The following DLG2 variants were observed in gnomAD, a reference collection of about 807,000 sequenced individuals.
The protein encoded by DLG2 is discs large MAGUK scaffold protein 2.
In DLG2, 45 loss-of-function variants were observed where a neutral mutation model predicts 132.5. That is an observed-to-expected ratio of 0.34 (90% CI 0.27 to 0.44). The LOEUF is 0.44. Ranked by LOEUF, DLG2 falls within the 20% of genes least tolerant of loss-of-function variation. The pLI, the probability that DLG2 is intolerant of heterozygous loss-of-function variation, is 1.00. For missense variants in DLG2, 1,045 were observed against 1,196.9 expected, an observed-to-expected ratio of 0.87 and a Z score of 1.87; for synonymous variants, 424 against 419.6, an observed-to-expected ratio of 1.01 and a Z score of -0.13.
chr11:83,969,017 A>C (rs889108537), intron 12 of DLG2, among the ~76,000 whole-genome samples: 1 of 152,210 alleles, frequency 6.6e-6, no homozygotes, highest in African/African-American at 2.4e-5. Flanking sequence ...CTTGCATGCC[A>C]TATATTTTAG....
At chr11:84,744,898 TAAAAAAA>T (rs758776805) in intron 6 of DLG2, among the ~76,000 whole-genome samples, 2 of 71,820 alleles carry the variant, frequency 2.8e-5, no homozygotes, top group East Asian at 4.6e-4. Context: ...AGTAAAGGTC[TAAAAAAA>T]AAAAAAAAAA....
chr11:85,393,300 C>T (rs1394882264), intron 3 of DLG2, among the ~76,000 whole-genome samples: 1 of 152,102 alleles, frequency 6.6e-6, no homozygotes, highest in Non-Finnish European at 1.5e-5. Context: ...CAAGAATGGT[C>T]ATATTCAAAA....
chr11:83,843,709 G>A (rs2058075136), intron 16 of DLG2, among the ~76,000 whole-genome samples: 1 of 152,166 alleles, frequency 6.6e-6, no homozygotes, highest in African/African-American at 2.4e-5. Flanking sequence ...TACAGGTCGG[G>A]TTCCTTGCTT....
intron 18 of DLG2, among the ~76,000 whole-genome samples, chr11:83,722,705 A>T (rs368845652): frequency 2.0e-4 from 30 of 152,168 alleles, no homozygotes; most frequent in Admixed American, 1.9e-3. Context: ...AAATGCTAAC[A>T]AGTGCCACCT....
intron 6 of DLG2, among the ~76,000 whole-genome samples, chr11:85,009,407 C>A (rs1013754164): frequency 6.6e-6 from 1 of 151,924 alleles, no homozygotes; most frequent in African/African-American, 2.4e-5. Flanking sequence ...TTTCTAGAAC[C>A]TTTGTACAGA....
chr11:85,217,305 TTC>T (rs900599407), intron 4 of DLG2, among the ~76,000 whole-genome samples: 3 of 145,776 alleles, frequency 2.1e-5, no homozygotes, highest in Admixed American at 6.9e-5. Flanking sequence ...ATCACCTAGA[TTC>T]TCTCTCTCTC....
At chr11:84,967,695 A>G (rs1393760443) in intron 6 of DLG2, among the ~76,000 whole-genome samples, 1 of 152,126 alleles carries the variant, frequency 6.6e-6, no homozygotes, top group African/African-American at 2.4e-5. Flanking sequence ...AAAACTGAGG[A>G]GTCAGATCAT....
At chr11:85,492,982 C>A (rs1248640193) in intron 3 of DLG2, among the ~76,000 whole-genome samples, 1 of 151,668 alleles carries the variant, frequency 6.6e-6, no homozygotes, top group African/African-American at 2.4e-5. Context: ...AAGGAGTTAG[C>A]GCTAAGTATC....
chr11:84,256,499 C>T (rs2154354379), intron 7 of DLG2, among the ~76,000 whole-genome samples: 1 of 152,278 alleles, frequency 6.6e-6, no homozygotes, highest in Admixed American at 6.5e-5. Context: ...AAGAAATTAA[C>T]AGTAACACTC....
intron 19 of DLG2, among the ~76,000 whole-genome samples, chr11:83,602,496 G>T (rs2153379887): frequency 6.6e-6 from 1 of 152,352 alleles, no homozygotes; most frequent in East Asian, 1.9e-4. Context: ...ACTTTGACTA[G>T]GAGTCTATTC....
chr11:83,957,198 A>G (rs1168832315), intron 14 of DLG2, among the ~76,000 whole-genome samples: 1 of 152,228 alleles, frequency 6.6e-6, no homozygotes, highest in Non-Finnish European at 1.5e-5. Flanking sequence ...GTGAGTAGAA[A>G]CATTTGACAA....
At chr11:85,541,592 C>T (rs1179110940) in intron 3 of DLG2, among the ~76,000 whole-genome samples, 1 of 151,788 alleles carries the variant, frequency 6.6e-6, no homozygotes, top group Admixed American at 6.6e-5. Flanking sequence ...AGATGGCTTA[C>T]AAAACTACTA....
intron 11 of DLG2, among the ~76,000 whole-genome samples, chr11:84,048,696 C>G (rs1044532057): frequency 6.6e-5 from 10 of 151,672 alleles, no homozygotes; most frequent in Non-Finnish European, 1.5e-5. Context: ...ACCAGTTGTA[C>G]AAACTTTGTT....
chr11:85,290,042 CATT>C (rs1326350544), intron 3 of DLG2, among the ~76,000 whole-genome samples: 4 of 152,120 alleles, frequency 2.6e-5, no homozygotes, highest in African/African-American at 9.7e-5. Flanking sequence ...TAGTATCTAG[CATT>C]ATCCTTAAAC....
At chr11:83,870,279 C>A (rs563096742) in intron 16 of DLG2, among the ~76,000 whole-genome samples, 2 of 152,304 alleles carry the variant, frequency 1.3e-5, no homozygotes, top group South Asian at 4.1e-4. Context: ...TGTCCAACCT[C>A]CTCGAAGTAT....
intron 7 of DLG2, among the ~76,000 whole-genome samples, chr11:84,475,028 T>C (rs2099117857): frequency 6.6e-6 from 1 of 152,110 alleles, no homozygotes; most frequent in South Asian, 2.1e-4. Flanking sequence ...TTCTGTAATT[T>C]AAAAATGACA....
intron 17 of DLG2, among the ~76,000 whole-genome samples, chr11:83,816,185 G>A (rs1220846905): frequency 6.6e-6 from 1 of 152,168 alleles, no homozygotes; most frequent in Non-Finnish European, 1.5e-5. Flanking sequence ...TGTGGAGACA[G>A]AAGGATGTCT....
chr11:84,807,480 T>C (rs1232105187), intron 6 of DLG2, among the ~76,000 whole-genome samples: 3 of 151,724 alleles, frequency 2.0e-5, no homozygotes, highest in South Asian at 2.1e-4. Flanking sequence ...AAAAAAAGAA[T>C]AAAACAAAAG....
chr11:85,262,032 C>T (rs574127943), intron 4 of DLG2, among the ~76,000 whole-genome samples: 2 of 151,966 alleles, frequency 1.3e-5, no homozygotes, highest in African/African-American at 2.4e-5. Flanking sequence ...GAGAATTTGG[C>T]GAGGCACATT....
Sources: allele counts gnomAD v4.1 joint callset (sites outside exome capture counted in the v4.1 genomes callset), GRCh38; gene constraint gnomAD v4.1.1; transcripts MANE v1.5; gene names NCBI Gene and HGNC (gene_info 2026-07-23, HGNC 2026-07-21).